GRIK4: variants seen among roughly 807,000 people sequenced by gnomAD.
The protein encoded by GRIK4 is glutamate receptor ionotropic, kainate 4.
In GRIK4, 40 loss-of-function variants were observed where a neutral mutation model predicts 104.9. The observed-to-expected ratio is 0.38, with a 90% CI of 0.30 to 0.50. The LOEUF (loss-of-function observed/expected upper bound fraction) is 0.50, where lower values mean the gene tolerates loss of function less well. GRIK4 is among the 20% of genes least tolerant of loss of function. The pLI is 0.93. For missense variants in GRIK4, 1,047 were observed against 1,308.1 expected (o/e 0.80, Z 3.08); for synonymous variants, 485 against 524.9 (o/e 0.92, Z 1.04).
chr11:120,922,351 A>G (rs1943243941), intron 13 of GRIK4, among the ~76,000 whole-genome samples: 1 of 152,160 alleles, frequency 6.6e-6, no homozygotes, highest in Admixed American at 6.5e-5. Context: ...AGCTGCCCCC[A>G]GCAGTTGCCA....
chr11:120,539,882 AG>A (rs1300882190), intron 1 of GRIK4, among the ~76,000 whole-genome samples: 2 of 152,210 alleles, frequency 1.3e-5, no homozygotes, highest in Non-Finnish European at 2.9e-5. Flanking sequence ...GGCCTTTTCA[AG>A]GTTACCCACC....
chr11:120,584,514 C>G (rs1565561035), intron 1 of GRIK4, among the ~76,000 whole-genome samples: 2 of 152,172 alleles, frequency 1.3e-5, no homozygotes, highest in Middle Eastern at 3.4e-3. Context: ...GAGACAGAGA[C>G]AGAGAGAGAG....
At chr11:120,981,372 A>G (rs564383371) in intron 19 of GRIK4, among the ~76,000 whole-genome samples, 55 of 152,348 alleles carry the variant, frequency 3.6e-4, no homozygotes, top group African/African-American at 1.3e-3. Context: ...ATACTTGCAC[A>G]ATGCTTCTAA....
chr11:120,877,040 C>A (rs1337855905), intron 11 of GRIK4, among the ~76,000 whole-genome samples: 2 of 152,164 alleles, frequency 1.3e-5, no homozygotes, highest in African/African-American at 4.8e-5. Flanking sequence ...GCCAGGTCAC[C>A]CTTCTTGGAA....
At chr11:120,767,828 G>A (rs536034666) in intron 3 of GRIK4, among the ~76,000 whole-genome samples, 9 of 152,166 alleles carry the variant, frequency 5.9e-5, no homozygotes, top group African/African-American at 1.7e-4. Flanking sequence ...GTGTCCTCTT[G>A]GTGCCCTTGT....
intron 3 of GRIK4, among the ~76,000 whole-genome samples, chr11:120,742,702 A>G (rs1015182248): frequency 9.2e-5 from 14 of 152,148 alleles, no homozygotes; most frequent in Admixed American, 8.5e-4. Flanking sequence ...GGAAAGCAGT[A>G]TGGCATTTCC....
intron 1 of GRIK4, among the ~76,000 whole-genome samples, chr11:120,636,791 G>A (rs1949402154): frequency 6.6e-6 from 1 of 152,142 alleles, no homozygotes; most frequent in Non-Finnish European, 1.5e-5. Flanking sequence ...AGTGAGCCAA[G>A]ATCGTGCCAT....
chr11:120,943,780 C>T (rs1012920114), intron 14 of GRIK4, among the ~76,000 whole-genome samples: 8 of 152,122 alleles, frequency 5.3e-5, no homozygotes, highest in South Asian at 2.1e-4. Context: ...GGCAATCAAA[C>T]CTGTGTGCGA....
rs191084585 is a variant in GRIK4 at position 120,746,280 on chromosome 11, C to T, written c.83-56413C>T. 7.2e-5 allele frequency among the ~76,000 whole-genome samples: 11 copies of T among 152,208 alleles called. No homozygotes were observed. In the East Asian group the frequency reaches 1.9e-3, roughly 27 times the overall value. On this transcript the variant is annotated intron_variant, in intron 3 of 20. Coordinates refer to ENST00000527524, the MANE Select transcript of GRIK4 (RefSeq NM_014619.5). Reference sequence around the variant, plus strand: ...GTTCGTTTCCTCTTTGCTCTTTGACCTTGAGGAAGTTATTAAACCTCTCTA... The same window carrying T: ...GTTCGTTTCCTCTTTGCTCTTTGACTTTGAGGAAGTTATTAAACCTCTCTA...
chr11:120,578,819 C>T (rs1948523814), intron 1 of GRIK4, among the ~76,000 whole-genome samples: 2 of 152,222 alleles, frequency 1.3e-5, no homozygotes, highest in South Asian at 4.1e-4. Flanking sequence ...CCCGCTTCCT[C>T]ACTTGGCTCA....
intron 3 of GRIK4, among the ~76,000 whole-genome samples, chr11:120,732,202 G>C (rs1951143603): frequency 6.6e-6 from 1 of 152,058 alleles, no homozygotes; most frequent in Non-Finnish European, 1.5e-5. Flanking sequence ...TGCATTCTTG[G>C]TTCACTGCAA....
intron 19 of GRIK4, among the ~76,000 whole-genome samples, chr11:120,978,138 G>T (rs946130500): frequency 2.4e-4 from 36 of 152,270 alleles, no homozygotes; most frequent in African/African-American, 7.5e-4. Context: ...CATTTACTGA[G>T]CTATAATGGG....
intron 1 of GRIK4, among the ~76,000 whole-genome samples, chr11:120,651,215 G>A (rs1949615282): frequency 6.6e-6 from 1 of 152,216 alleles, no homozygotes; most frequent in East Asian, 1.9e-4. Context: ...ATGGGGTGGA[G>A]AGATGAAAGG....
At chr11:120,625,012 G>A (rs1396423303) in intron 1 of GRIK4, among the ~76,000 whole-genome samples, 2 of 152,126 alleles carry the variant, frequency 1.3e-5, no homozygotes, top group Non-Finnish European at 2.9e-5. Context: ...GGCCGGGCGC[G>A]GTGGCTCACG....
chr11:120,706,925 G>T (rs1316375447), intron 3 of GRIK4, among the ~76,000 whole-genome samples: 1 of 152,190 alleles, frequency 6.6e-6, no homozygotes. Context: ...AGTGCTGACA[G>T]TGGTGCCATG....
chr11:120,836,830 A>G lies in GRIK4; in HGVS notation c.730A>G (p.Ile244Val), dbSNP rs1953585636. The stretch of plus-strand genomic sequence containing the variant: ...GATGGTGTCAGCCTATTACACATAC[A>G]TCTTCACTAATCTGGTAAGATGTTC... Reference protein sequence around the residue: ...LGMVSAYYTYIFTNLEFSLQR... With the variant: ...LGMVSAYYTYVFTNLEFSLQR... Residue 244 changes from isoleucine (I) to valine (V), a missense_variant, in exon 8 of 21, where the codon ATC becomes GTC. By Grantham distance (29) the Ile-to-Val change is conservative. This residue lies in a region of GRIK4 where 447 missense variants were observed against 514.9 expected (regional missense o/e 0.87). Transcript: ENST00000527524. 3.1e-6 allele frequency: 5 copies of G among 1,591,042 alleles called. No individual in the cohort carries two copies. Among genetic ancestry groups the G allele is most frequent in the Non-Finnish European group, 2.6e-6 (3 of 1,159,070 alleles).
intron 3 of GRIK4, 54 bp downstream of exon 3, chr11:120,660,454 CA>C: frequency 7.4e-7 from 1 of 1,359,842 alleles, no homozygotes; most frequent in South Asian, 1.2e-5. Context: ...CAGGTGTCCA[CA>C]AGGGACATGA....
intron 1 of GRIK4, among the ~76,000 whole-genome samples, chr11:120,599,237 T>G (rs1653178359): frequency 1.3e-5 from 2 of 152,246 alleles, no homozygotes; most frequent in Admixed American, 1.3e-4. Context: ...CCCTTTTGAA[T>G]TGATCCTTGT....
chr11:120,871,659 C>T (rs78588138), intron 9 of GRIK4: 6,761 of 455,992 alleles, frequency 0.015, 351 homozygotes, highest in African/African-American at 0.12. Flanking sequence ...CGACGGAGGC[C>T]GAGGGCAGTG....
Sources: gnomAD v4.1 joint callset for allele counts (sites outside exome capture counted in the v4.1 genomes callset) on GRCh38, gnomAD v4.1.1 for gene constraint, gnomAD v4.1.1 regional missense constraint, MANE v1.5 for transcripts, NCBI Gene and HGNC (gene_info 2026-07-23, HGNC 2026-07-21) for gene names.